ANK3: variants seen among roughly 807,000 people sequenced by gnomAD.
The protein encoded by ANK3 is ankyrin-3.
In ANK3, 57 loss-of-function variants were observed where a neutral mutation model predicts 370.9. The observed-to-expected ratio is 0.15, with a 90% CI of 0.12 to 0.19. ANK3 has a LOEUF of 0.19. ANK3 is among the 10% of genes least tolerant of loss of function. ANK3 has a pLI of 1.00. For synonymous variants in ANK3, 1,929 were observed against 1,946.3 expected (o/e 0.99, Z 0.23); for missense variants, 4,439 against 5,302.1 (o/e 0.84, Z 5.06).
At chr10:60,411,060 A>C (rs1184726275) in intron 2 of ANK3, among the ~76,000 whole-genome samples, 1 of 152,180 alleles carries the variant, frequency 6.6e-6, no homozygotes, top group African/African-American at 2.4e-5. Context: ...GGGAACTCCA[A>C]GGAACTGGTG....
At chr10:60,454,751 T>C (rs993869541) in intron 2 of ANK3, among the ~76,000 whole-genome samples, 1 of 152,156 alleles carries the variant, frequency 6.6e-6, no homozygotes, top group African/African-American at 2.4e-5. Flanking sequence ...GTTGTTCGAG[T>C]TCACAAATAA....
intron 1 of ANK3, among the ~76,000 whole-genome samples, chr10:60,372,123 A>G (rs577034077): frequency 2.9e-4 from 44 of 152,352 alleles, no homozygotes; most frequent in African/African-American, 1.1e-3. Context: ...AGTTAAATTC[A>G]TATATTTCAA....
intron 1 of ANK3, among the ~76,000 whole-genome samples, chr10:60,300,754 C>A (rs184062386): frequency 3.3e-5 from 5 of 152,090 alleles, no homozygotes; most frequent in Non-Finnish European, 5.9e-5. Context: ...TCTGTACTCA[C>A]GCTACTCTGA....
chr10:60,057,129 T>TAATA (rs2079352947), intron 41 of ANK3, among the ~76,000 whole-genome samples: 3 of 152,182 alleles, frequency 2.0e-5, no homozygotes, highest in African/African-American at 7.2e-5. Context: ...TTTCCAACTC[T>TAATA]AATACCTTTA....
chr10:60,293,102 T>A (rs1043340717), intron 1 of ANK3, among the ~76,000 whole-genome samples: 10 of 152,228 alleles, frequency 6.6e-5, no homozygotes, highest in Non-Finnish European at 1.3e-4. Flanking sequence ...CATGAACATG[T>A]CGTTAAGAAA....
At chr10:60,311,186 G>A (rs761791862) in intron 1 of ANK3, among the ~76,000 whole-genome samples, 9 of 152,070 alleles carry the variant, frequency 5.9e-5, no homozygotes, top group Non-Finnish European at 1.0e-4. Flanking sequence ...CATATTAGAG[G>A]GCTGTTGGCT....
At chr10:60,683,927 A>G (rs117125971) in intron 1 of ANK3, among the ~76,000 whole-genome samples, 5,933 of 152,334 alleles carry the variant, frequency 0.039, 154 homozygotes, top group Middle Eastern at 0.071. Context: ...AGGAAGGAAG[A>G]AAGGTAGGTT....
chr10:60,426,581 A>C (rs866445881), intron 2 of ANK3, among the ~76,000 whole-genome samples: 1 of 152,116 alleles, frequency 6.6e-6, no homozygotes, highest in Middle Eastern at 3.2e-3. Flanking sequence ...CCAGATGATG[A>C]AATCTGTTGC....
At chr10:60,231,063 C>T (rs1310389058) in intron 8 of ANK3, among the ~76,000 whole-genome samples, 1 of 152,120 alleles carries the variant, frequency 6.6e-6, no homozygotes, top group Non-Finnish European at 1.5e-5. Flanking sequence ...TCAGGAACAA[C>T]TTTCTATCTG....
At chr10:60,667,314 G>A (rs2079011136) in intron 1 of ANK3, among the ~76,000 whole-genome samples, 1 of 150,784 alleles carries the variant, frequency 6.6e-6, no homozygotes, top group Admixed American at 6.6e-5. Flanking sequence ...TTCCTACTAA[G>A]AGAATGTAGA....
At chr10:60,637,616 T>A (rs1041206940) in intron 1 of ANK3, among the ~76,000 whole-genome samples, 2 of 152,136 alleles carry the variant, frequency 1.3e-5, no homozygotes, top group African/African-American at 2.4e-5. Context: ...TCTGACATAG[T>A]GAAAAACTGG....
intron 7 of ANK3, among the ~76,000 whole-genome samples, chr10:60,258,146 C>A (rs1482227383): frequency 6.6e-6 from 1 of 152,236 alleles, no homozygotes; most frequent in Non-Finnish European, 1.5e-5. Context: ...TAGTTACATT[C>A]TCTTTCCCAA....
chr10:60,614,273 A>G (rs1003397698), intron 2 of ANK3, among the ~76,000 whole-genome samples: 3 of 152,192 alleles, frequency 2.0e-5, no homozygotes, highest in African/African-American at 7.2e-5. Flanking sequence ...AAATATATAC[A>G]TATGAATGCG....
chr10:60,271,172 A>G (rs1449025798), intron 4 of ANK3, among the ~76,000 whole-genome samples: 1 of 152,146 alleles, frequency 6.6e-6, no homozygotes, highest in Non-Finnish European at 1.5e-5. Flanking sequence ...TTTTCAAACT[A>G]TAATTCTTTT....
At chr10:60,703,006 A>G (rs1244019996) in intron 1 of ANK3, among the ~76,000 whole-genome samples, 1 of 152,206 alleles carries the variant, frequency 6.6e-6, no homozygotes, top group African/African-American at 2.4e-5. Context: ...CAAAGGACTT[A>G]GTTTCCTTGA....
chr10:60,090,943 G>A (rs759120056), intron 28 of ANK3, among the ~76,000 whole-genome samples: 6 of 151,920 alleles, frequency 3.9e-5, no homozygotes, highest in African/African-American at 9.7e-5. Flanking sequence ...AGATCTCGCC[G>A]TGTCGCCCAC....
chr10:60,043,508 A>C, intron 42 of ANK3: 1 of 985,460 alleles, frequency 1.0e-6, no homozygotes, highest in Non-Finnish European at 1.2e-6. Context: ...GGTTGACTGG[A>C]GGGATTCTTT....
Position 60,548,136 on chromosome 10 carries a change from A to C in ANK3, c.96+67050T>G, listed in dbSNP as rs184899185. Among the ~76,000 whole-genome samples, 271 of 151,550 alleles carry C rather than the reference A, an allele frequency of 1.8e-3. No individual in the cohort carries two copies. In the Middle Eastern group the frequency reaches 0.024, roughly 13 times the overall value. On this transcript the variant is annotated intron_variant, in intron 2 of 43. Transcript: ENST00000373827. Reference sequence around the variant, plus strand: ...TAATACCCAACAATAAATAACACATAGTTTCAGAAAATATCAAAATACCTG... The same window carrying C: ...TAATACCCAACAATAAATAACACATCGTTTCAGAAAATATCAAAATACCTG...
intron 2 of ANK3, among the ~76,000 whole-genome samples, chr10:60,483,549 G>C (rs1445977602): frequency 5.9e-5 from 9 of 152,024 alleles, no homozygotes; most frequent in Admixed American, 3.3e-4. Context: ...TGATCCAATG[G>C]GTTCTGTTCA....
Sources: allele counts gnomAD v4.1 joint callset (sites outside exome capture counted in the v4.1 genomes callset), GRCh38; gene constraint gnomAD v4.1.1; transcripts MANE v1.5; gene names NCBI Gene and HGNC (gene_info 2026-07-23, HGNC 2026-07-21).